The following FAM168A variants were observed in gnomAD, a reference collection of about 807,000 sequenced individuals.
FAM168A encodes the protein family with sequence similarity 168 member A.
Under a neutral mutation model 28.5 loss-of-function variants are expected in FAM168A, and 3 were observed. The observed-to-expected ratio is 0.11, with a 90% CI of 0.05 to 0.27. FAM168A has a LOEUF of 0.27. FAM168A is among the 10% of genes least tolerant of loss of function. FAM168A has a pLI of 1.00. For synonymous variants in FAM168A, 122 were observed against 124.2 expected, an observed-to-expected ratio of 0.98 and a Z score of 0.12; for missense variants, 222 against 311.5, an observed-to-expected ratio of 0.71 and a Z score of 2.16.
At chr11:73,515,527 A>G (rs1157716363) in intron 1 of FAM168A, among the ~76,000 whole-genome samples, 1 of 150,400 alleles carries the variant, frequency 6.6e-6, no homozygotes, top group Non-Finnish European at 1.5e-5. Context: ...AAAAAAAAAG[A>G]AAAGAAACAA....
intron 1 of FAM168A, among the ~76,000 whole-genome samples, chr11:73,538,899 TG>T (rs1943617439): frequency 6.6e-6 from 1 of 152,212 alleles, no homozygotes; most frequent in African/African-American, 2.4e-5. Context: ...AAGCATCATT[TG>T]TTTGTAGCAA....
In FAM168A at chr11:73,403,753, G is replaced by A. The variant is rs1832793380; in HGVS notation, c.*3010C>T. ...CTCCCCAAGCTTGGCTAGGCTTGTGGATCTCCATCACAGCAAGAGGCTGAG... is the reference window on the plus strand; with the variant it reads ...CTCCCCAAGCTTGGCTAGGCTTGTGAATCTCCATCACAGCAAGAGGCTGAG... On this transcript the variant is annotated 3_prime_UTR_variant, in exon 8 of 8. Transcript: ENST00000356467. The A allele has an allele frequency of 6.6e-6, 1 of 152,334 alleles. No homozygotes were observed. The highest frequency in any genetic ancestry group is 1.5e-5 in the Non-Finnish European group (1 of 68,048). The allele number at this position is 152,334 out of a possible 1,614,324, so 9.4% of individuals were successfully genotyped here.
At chr11:73,524,614 A>G (rs1943427245) in intron 1 of FAM168A, among the ~76,000 whole-genome samples, 1 of 151,922 alleles carries the variant, frequency 6.6e-6, no homozygotes, top group African/African-American at 2.4e-5. Context: ...ATATATATAT[A>G]TGAAATAGAG....
intron 1 of FAM168A, among the ~76,000 whole-genome samples, chr11:73,567,574 G>T (rs1439066685): frequency 6.6e-6 from 1 of 152,042 alleles, no homozygotes; most frequent in Admixed American, 6.6e-5. Flanking sequence ...TTTTAATACA[G>T]ACACTCCCCT....
intron 3 of FAM168A, among the ~76,000 whole-genome samples, chr11:73,420,226 GAGTC>G (rs769448228): frequency 6.6e-6 from 1 of 152,150 alleles, no homozygotes; most frequent in Non-Finnish European, 1.5e-5. Context: ...TACACTAAAA[GAGTC>G]AGGACTTTCT....
chr11:73,538,212 A>G (rs956256282), intron 1 of FAM168A, among the ~76,000 whole-genome samples: 5 of 152,114 alleles, frequency 3.3e-5, no homozygotes, highest in Admixed American at 6.5e-5. Context: ...TTCACTCAAC[A>G]CAGTCTGCTG....
intron 3 of FAM168A, 185 bp downstream of exon 3, chr11:73,430,505 A>T: frequency 1.7e-6 from 1 of 580,954 alleles, no homozygotes; most frequent in Non-Finnish European, 3.1e-6. Context: ...AGGAGATTCT[A>T]TTCCCGCCCC....
At chr11:73,495,155 C>T (rs111250057) in intron 1 of FAM168A, among the ~76,000 whole-genome samples, 2,181 of 151,404 alleles carry the variant, frequency 0.014, 17 homozygotes, top group Middle Eastern at 0.038. Context: ...CAAACTGATC[C>T]CGTCTCTGCT....
At chr11:73,556,591 C>T (rs1362208378) in intron 1 of FAM168A, among the ~76,000 whole-genome samples, 1 of 151,592 alleles carries the variant, frequency 6.6e-6, no homozygotes, top group Non-Finnish European at 1.5e-5. Flanking sequence ...AATTTCAGAT[C>T]TGTAAGATAA....
chr11:73,442,996 A>ATATT (rs1486968655), intron 2 of FAM168A, among the ~76,000 whole-genome samples: 1 of 130,374 alleles, frequency 7.7e-6, no homozygotes, highest in African/African-American at 2.9e-5. Flanking sequence ...ATATATATAT[A>ATATT]TGCCAAGCCT....
chr11:73,458,386 A>G (rs1358768738), intron 2 of FAM168A, among the ~76,000 whole-genome samples: 1 of 152,248 alleles, frequency 6.6e-6, no homozygotes, highest in Non-Finnish European at 1.5e-5. Flanking sequence ...CATGTAAATC[A>G]GTCACAAGCA....
intron 3 of FAM168A, among the ~76,000 whole-genome samples, chr11:73,423,171 T>C (rs968155037): frequency 1.3e-5 from 2 of 152,222 alleles, no homozygotes; most frequent in Non-Finnish European, 2.9e-5. Context: ...TTATAGTTTC[T>C]AGTTCTGGTT....
chr11:73,590,934 G>A (rs1029081952), intron 1 of FAM168A, among the ~76,000 whole-genome samples: 3 of 152,206 alleles, frequency 2.0e-5, no homozygotes, highest in Non-Finnish European at 2.9e-5. Context: ...TCTGAGGTCA[G>A]GGGTTCAAGA....
In FAM168A at chr11:73,480,515, T is replaced by C. The variant is rs370707023; in HGVS notation, c.-18-12023A>G. Among the ~76,000 whole-genome samples, 11 of 152,252 alleles carry C rather than the reference T, an allele frequency of 7.2e-5. No individual in the cohort carries two copies. In the South Asian group the frequency reaches 1.9e-3, roughly 26 times the overall value. On this transcript the variant is annotated intron_variant, in intron 1 of 7. Transcript: ENST00000356467. ...AATTCTCTGCCCTTAAAAGAACTCA[T>C]CTTTTAGTGGGGAAATAGTTGTATT...
intron 2 of FAM168A, among the ~76,000 whole-genome samples, chr11:73,461,406 C>T (rs761576325): frequency 2.4e-4 from 37 of 152,182 alleles, no homozygotes; most frequent in Non-Finnish European, 5.0e-4. Flanking sequence ...GTATGAGCCA[C>T]GGCACATGGC....
At chr11:73,570,754 C>CAAGAA (rs1033235056) in intron 1 of FAM168A, among the ~76,000 whole-genome samples, 5 of 148,442 alleles carry the variant, frequency 3.4e-5, no homozygotes, top group African/African-American at 1.2e-4. Context: ...AAAGACAAGA[C>CAAGAA]AAGAAAAGAA....
intron 1 of FAM168A, among the ~76,000 whole-genome samples, chr11:73,476,530 C>T (rs1013241278): frequency 1.3e-5 from 2 of 151,964 alleles, no homozygotes; most frequent in Admixed American, 1.3e-4. Flanking sequence ...TAGTTTTCAG[C>T]AATACTGACA....
chr11:73,504,725 T>C (rs1855073790), intron 1 of FAM168A, among the ~76,000 whole-genome samples: 1 of 152,118 alleles, frequency 6.6e-6, no homozygotes, highest in African/African-American at 2.4e-5. Context: ...GCAGCACTAC[T>C]GTTACAATAG....
chr11:73,561,749 C>A (rs1943961448), intron 1 of FAM168A, among the ~76,000 whole-genome samples: 1 of 152,084 alleles, frequency 6.6e-6, no homozygotes, highest in Non-Finnish European at 1.5e-5. Context: ...TTTATGAGGC[C>A]TCCCTTCTTT....
Sources: gnomAD v4.1 joint callset for allele counts (sites outside exome capture counted in the v4.1 genomes callset) on GRCh38, gnomAD v4.1.1 for gene constraint, MANE v1.5 for transcripts, NCBI Gene and HGNC (gene_info 2026-07-23, HGNC 2026-07-21) for gene names.